OR4K2: variants seen among roughly 807,000 people sequenced by gnomAD.
OR4K2 encodes olfactory receptor family 4 subfamily K member 2.
Under a neutral mutation model 10.5 loss-of-function variants are expected in OR4K2, and 8 were observed. The ratio of observed to expected loss-of-function variants is 0.76; its 90% CI spans 0.45 to 1.37. The LOEUF is 1.37. Ranked by LOEUF, OR4K2 falls within the 40% of genes most tolerant of loss-of-function variation. The probability of loss-of-function intolerance (pLI) is 0.00; values close to 1 mark genes in which losing one functional copy is unlikely to be tolerated. For synonymous variants in OR4K2, 178 were observed against 133.6 expected (o/e 1.33, Z -2.29); for missense variants, 547 against 379.5 (o/e 1.44, Z -3.67).
rs1880950412 is a variant in OR4K2 at position 19,877,892 on chromosome 14, C to T, written c.*680C>T. The T allele has an allele frequency of 6.6e-6, 1 of 152,296 alleles. No homozygotes were observed. Among genetic ancestry groups the T allele is most frequent in the Non-Finnish European group, 1.5e-5 (1 of 68,116 alleles). The allele number at this position is 152,296 out of a possible 1,614,324, so 9.4% of individuals were successfully genotyped here. On this transcript the variant is annotated 3_prime_UTR_variant, in exon 2 of 2. Coordinates refer to ENST00000641885, the MANE Select transcript of OR4K2 (RefSeq NM_001005501.2). Reference sequence around the variant, plus strand: ...AGGGAGGCTGGAGAATTCTGCAAATCAGAAAATATGAAATGAGTTGCAGAT... The same window carrying T: ...AGGGAGGCTGGAGAATTCTGCAAATTAGAAAATATGAAATGAGTTGCAGAT...
Position 19,876,552 on chromosome 14 carries a change from T to C in OR4K2, c.285T>C (p.Asp95=). The C allele has an allele frequency of 2.5e-6, 4 of 1,614,224 alleles. No individual in the cohort carries two copies. Among genetic ancestry groups the C allele is most frequent in the Non-Finnish European group, 3.4e-6 (4 of 1,180,020 alleles). The change falls in exon 2 of 2, where the codon GAT becomes GAC. Residue 95 remains aspartate (D), a synonymous_variant. Transcript: ENST00000641885. ...CAGGTCACAAAACCATCTCTTTTGA[T>C]GGCTGCCTTACCCAGATATTCTTTC... ...YLTGHKTISF[D]GCLTQIFFLH... is the part of the protein sequence containing the mutation.
chr14:19,877,840 ATTTC>A lies in OR4K2; in HGVS notation c.*634_*637del, dbSNP rs1880948942. 2 of 152,398 alleles carry A rather than the reference ATTTC, an allele frequency of 1.3e-5. No individual in the cohort carries two copies. Among genetic ancestry groups the A allele is most frequent in the South Asian group, 4.1e-4 (2 of 4,840 alleles). The allele number at this position is 152,398 out of a possible 1,614,324, so 9.4% of individuals were successfully genotyped here. On this transcript the variant is annotated 3_prime_UTR_variant, in exon 2 of 2. Transcript: ENST00000641885. ...ATCATCAAAGCAATACAGTCATGAT[ATTTC>A]TTTCTGATAATGCGGAATGAGTAGG... is the stretch of plus-strand genomic sequence containing the variant.
At position 19,876,594 on chromosome 14, in the gene OR4K2, A is replaced by G. The variant is rs1880907980; in HGVS notation, c.327A>G (p.Gly109=). The G allele has an allele frequency of 6.2e-7, 1 of 1,614,210 alleles. No individual in the cohort carries two copies. Among genetic ancestry groups the G allele is most frequent in the Non-Finnish European group, 8.5e-7 (1 of 1,180,014 alleles). Residue 109 remains glycine (G), a synonymous_variant, in exon 2 of 2, where the codon GGA becomes GGG. Coordinates refer to ENST00000641885, the MANE Select transcript of OR4K2 (RefSeq NM_001005501.2). The stretch of plus-strand genomic sequence containing the variant: ...TATTCTTTCTCCACCTTTTCACTGG[A>G]ACTGAGATCATCTTACTCATGGCCA... ...TQIFFLHLFT[G]TEIILLMAMS...
At position 19,876,967 on chromosome 14, in the gene OR4K2, T is replaced by C. The variant is rs374783974; in HGVS notation, c.700T>C (p.Ser234Pro). ...TVKHHSSRGS[S>P]KALSTCTAHF... The stretch of plus-strand genomic sequence containing the variant: ...GAAGCATCATTCTTCCAGAGGATCA[T>C]CTAAGGCCCTTTCTACTTGTACAGC... The change falls in exon 2 of 2, where the codon TCT (serine) becomes CCT (proline). Residue 234 changes from serine (S) to proline (P), a missense_variant. Transcript: ENST00000641885. The C allele has an allele frequency of 6.2e-7, 1 of 1,614,050 alleles. No individual in the cohort carries two copies. Among genetic ancestry groups the C allele is most frequent in the Non-Finnish European group, 8.5e-7 (1 of 1,179,966 alleles).
At position 19,881,179 on chromosome 14, in the gene OR4K2, A is replaced by G. The variant is rs1184971848; in HGVS notation, c.*3967A>G. The G allele has an allele frequency of 6.6e-6, 1 of 152,248 alleles. No individual in the cohort carries two copies. The highest frequency in any genetic ancestry group is 2.1e-4 in the South Asian group (1 of 4,838). The allele number at this position is 152,248 out of a possible 1,614,324, so 9.4% of individuals were successfully genotyped here. A position where few individuals can be genotyped will look rare whatever the true frequency, so the allele number is the denominator to read the frequency against. ...GCATGATTTTTGGATGTATATGTCA[A>G]TTGAAAAACGGGGAGAAGAAAACAG... On this transcript the variant is annotated 3_prime_UTR_variant, in exon 2 of 2. Coordinates refer to ENST00000641885, the MANE Select transcript of OR4K2 (RefSeq NM_001005501.2).
rs371644746 is a variant in OR4K2, at chr14:19,877,734, T to C, written c.*522T>C. 1 of 153,014 alleles carries C rather than the reference T, an allele frequency of 6.5e-6. No individual in the cohort carries two copies. Among genetic ancestry groups the C allele is most frequent in the East Asian group, 1.9e-4 (1 of 5,212 alleles). The allele number at this position is 153,014 out of a possible 1,614,324, so 9.5% of individuals were successfully genotyped here. On this transcript the variant is annotated 3_prime_UTR_variant, in exon 2 of 2. Transcript: ENST00000641885. The stretch of plus-strand genomic sequence containing the variant: ...TGATCTCTTCTATTAAAGAAAACTC[T>C]AGATATATTTTATTTCGAATGTTAA...
In OR4K2 at chr14:19,881,356, A is replaced by C. The variant is rs1230912004; in HGVS notation, c.*4144A>C. 2 of 152,248 alleles carry C rather than the reference A, an allele frequency of 1.3e-5. No individual in the cohort carries two copies. The highest frequency in any genetic ancestry group is 2.9e-5 in the Non-Finnish European group (2 of 68,052). 9.4% of individuals were successfully genotyped at this position (152,248 alleles called of 1,614,324 possible). ...AATGCTCTTGGTTACACCATGAGGT[A>C]AATATGCACAAATTATTCTGGAGCG... On this transcript the variant is annotated 3_prime_UTR_variant, in exon 2 of 2. Transcript: ENST00000641885.
rs751715084 is a variant in OR4K2, at chr14:19,877,242, G to A, written c.*30G>A. ...TGTGACACAGAACATTAGACACAATGCTGTGTTAGGCTTTTCTTTCTAGAG... is the reference window on the plus strand; with the variant it reads ...TGTGACACAGAACATTAGACACAATACTGTGTTAGGCTTTTCTTTCTAGAG... On this transcript the variant is annotated 3_prime_UTR_variant, in exon 2 of 2. Coordinates refer to ENST00000641885, the MANE Select transcript of OR4K2 (RefSeq NM_001005501.2). The A allele has an allele frequency of 8.6e-6, 12 of 1,399,704 alleles. No individual in the cohort carries two copies. The highest frequency in any genetic ancestry group is 1.3e-5 in the South Asian group (1 of 78,224). The allele number at this position is 1,399,704 out of a possible 1,614,324, so 86.7% of individuals were successfully genotyped here.
rs1880892901 is a variant in OR4K2 at position 19,876,292 on chromosome 14, A to G, written c.25A>G (p.Met9Val). 1.2e-6 allele frequency: 2 copies of G among 1,605,674 alleles called. No homozygotes were observed. Among genetic ancestry groups the G allele is most frequent in the Non-Finnish European group, 8.5e-7 (1 of 1,177,812 alleles). Reference sequence around the variant, plus strand: ...AATGGATGTGGGCAATAAGTCTACCATGTCTGAATTTGTTTTGCTGGGGCT... The same window carrying G: ...AATGGATGTGGGCAATAAGTCTACCGTGTCTGAATTTGTTTTGCTGGGGCT... MDVGNKST[M>V]SEFVLLGLSN... The change falls in exon 2 of 2, where the codon ATG becomes GTG. Residue 9 changes from methionine to valine, a missense_variant. Physicochemically the swap from Met to Val is conservative, Grantham distance 21. Coordinates refer to ENST00000641885, the MANE Select transcript of OR4K2 (RefSeq NM_001005501.2).
rs1332395511 is a variant in OR4K2, at chr14:19,880,749, A to G, written c.*3537A>G. On this transcript the variant is annotated 3_prime_UTR_variant, in exon 2 of 2. Coordinates refer to ENST00000641885, the MANE Select transcript of OR4K2 (RefSeq NM_001005501.2). ...TATTGCTTCTTTACAATGAATAAAT[A>G]TTAAATTGGTTTATTGATTTTAGGA... The G allele has an allele frequency of 6.6e-6, 1 of 152,252 alleles. No homozygotes were observed. Among genetic ancestry groups the G allele is most frequent in the African/African-American group, 2.4e-5 (1 of 41,468 alleles). The allele number at this position is 152,252 out of a possible 1,614,324, so 9.4% of individuals were successfully genotyped here.
Position 19,876,917 on chromosome 14 carries a change from C to T in OR4K2, c.650C>T (p.Ser217Leu), listed in dbSNP as rs754919357. 3.7e-6 allele frequency: 6 copies of T among 1,614,126 alleles called. No individual in the cohort carries two copies. In the East Asian group the frequency reaches 1.3e-4, roughly 36 times the overall value. ...ALSCFIVLFN[S>L]YVIVLVTVKH... Reference sequence around the variant, plus strand: ...TCCTGTTTTATTGTTTTATTTAATTCATATGTTATTGTCCTGGTTACTGTG... The same window carrying T: ...TCCTGTTTTATTGTTTTATTTAATTTATATGTTATTGTCCTGGTTACTGTG... Residue 217 changes from serine to leucine, a missense_variant, in exon 2 of 2, where the codon TCA (serine) becomes TTA (leucine). By Grantham distance (145) the Ser-to-Leu change is moderately radical. Transcript: ENST00000641885.
rs1881028473 is a variant in OR4K2, at chr14:19,881,213, A to T, written c.*4001A>T. The T allele has an allele frequency of 5.3e-5, 8 of 152,262 alleles. No individual in the cohort carries two copies. Among genetic ancestry groups the T allele is most frequent in the Admixed American group, 3.9e-4 (6 of 15,290 alleles). The allele number at this position is 152,262 out of a possible 1,614,324, so 9.4% of individuals were successfully genotyped here. On this transcript the variant is annotated 3_prime_UTR_variant, in exon 2 of 2. Transcript: ENST00000641885. ...CGGGGAGAAGAAAACAGCCAGGGAA[A>T]TCTAATTCATGTGAACTTCTTGCAT... is the stretch of plus-strand genomic sequence containing the variant.
rs143722320 is a variant in OR4K2, at chr14:19,876,928, G to T, written c.661G>T (p.Val221Phe). Reference sequence around the variant, plus strand: ...TGTTTTATTTAATTCATATGTTATTGTCCTGGTTACTGTGAAGCATCATTC... The same window carrying T: ...TGTTTTATTTAATTCATATGTTATTTTCCTGGTTACTGTGAAGCATCATTC... ...FIVLFNSYVIVLVTVKHHSSR... is the reference protein window; with the variant it reads ...FIVLFNSYVIFLVTVKHHSSR... The change falls in exon 2 of 2, where the codon GTC becomes TTC. Residue 221 changes from valine to phenylalanine, a missense_variant. Coordinates refer to ENST00000641885, the MANE Select transcript of OR4K2 (RefSeq NM_001005501.2). 2.8e-4 allele frequency: 459 copies of T among 1,614,034 alleles called. 1 individual carries two copies. The African/African-American group carries it at 5.3e-3, about 19-fold the overall frequency.
chr14:19,876,231 T>TAG lies in OR4K2; in HGVS notation c.-23-14_-23-13insAG. On this transcript the variant is annotated splice_polypyrimidine_tract_variant and intron_variant, in intron 1 of 1. Transcript: ENST00000641885. ...TGACTTTCCTTTTTTTTTTTTTTTT[T>TAG]TTTCGTGATACAGGCTTCTGCCTAT... is the stretch of plus-strand genomic sequence containing the variant. The TAG allele has an allele frequency of 5.3e-6, 6 of 1,139,288 alleles. No homozygotes were observed. Among genetic ancestry groups the TAG allele is most frequent in the South Asian group, 2.4e-5 (1 of 42,120 alleles). 70.6% of individuals were successfully genotyped at this position (1,139,288 alleles called of 1,614,324 possible).
At position 19,879,955 on chromosome 14, in the gene OR4K2, C is replaced by G. The variant is rs752973858; in HGVS notation, c.*2743C>G. 1.3e-5 allele frequency: 2 copies of G among 152,236 alleles called. No homozygotes were observed. The highest frequency in any genetic ancestry group is 6.5e-5 in the Admixed American group (1 of 15,284). The allele number at this position is 152,236 out of a possible 1,614,324, so 9.4% of individuals were successfully genotyped here. ...CAAACTGTATAAGCTTTAAGCCTAG[C>G]TTGTCCAACCCATGACCTGCAGGTT... is the stretch of plus-strand genomic sequence containing the variant. On this transcript the variant is annotated 3_prime_UTR_variant, in exon 2 of 2. Coordinates refer to ENST00000641885, the MANE Select transcript of OR4K2 (RefSeq NM_001005501.2).
In OR4K2 at chr14:19,879,574, A is replaced by G. The variant is rs1293153210; in HGVS notation, c.*2362A>G. 6.6e-6 allele frequency: 1 copy of G among 152,264 alleles called. No individual in the cohort carries two copies. The highest frequency in any genetic ancestry group is 1.5e-5 in the Non-Finnish European group (1 of 68,052). 9.4% of individuals were successfully genotyped at this position (152,264 alleles called of 1,614,324 possible). ...TATAAGAAGAGTGTGTTGACAAGCAACTTCATCTTCCTCTACGTGTTTAGG... is the reference window on the plus strand; with the variant it reads ...TATAAGAAGAGTGTGTTGACAAGCAGCTTCATCTTCCTCTACGTGTTTAGG... On this transcript the variant is annotated 3_prime_UTR_variant, in exon 2 of 2. Coordinates refer to ENST00000641885, the MANE Select transcript of OR4K2 (RefSeq NM_001005501.2).
Position 19,883,054 on chromosome 14 carries a change from T to G in OR4K2, c.*5842T>G, listed in dbSNP as rs1710131103. Reference sequence around the variant, plus strand: ...TTATCTTTTGAAAAACCTGAGTTATTTACCATCTAGGGTCTCCCAGAGTCT... The same window carrying G: ...TTATCTTTTGAAAAACCTGAGTTATGTACCATCTAGGGTCTCCCAGAGTCT... On this transcript the variant is annotated 3_prime_UTR_variant, in exon 2 of 2. Transcript: ENST00000641885. The G allele has an allele frequency of 6.6e-6, 1 of 152,368 alleles. No homozygotes were observed. Among genetic ancestry groups the G allele is most frequent in the Admixed American group, 6.5e-5 (1 of 15,284 alleles). The allele number at this position is 152,368 out of a possible 1,614,324, so 9.4% of individuals were successfully genotyped here. A position where few individuals can be genotyped will look rare whatever the true frequency, so the allele number is the denominator to read the frequency against.
chr14:19,877,328 A>AC lies in OR4K2; in HGVS notation c.*116_*117insC. ...AGGGCTCAAGTTCAGTGCATTTTGA[A>AC]ACTATTCTCATGAATGTGAATGTGT... On this transcript the variant is annotated 3_prime_UTR_variant, in exon 2 of 2. Coordinates refer to ENST00000641885, the MANE Select transcript of OR4K2 (RefSeq NM_001005501.2). The AC allele has an allele frequency of 1.4e-6, 1 of 721,688 alleles. No individual in the cohort carries two copies. The highest frequency in any genetic ancestry group is 2.2e-6 in the Non-Finnish European group (1 of 448,350). The allele number at this position is 721,688 out of a possible 1,614,324, so 44.7% of individuals were successfully genotyped here.
At position 19,879,273 on chromosome 14, in the gene OR4K2, T is replaced by G. The variant is rs10130451; in HGVS notation, c.*2061T>G. ...ATTCATGGTACCTCTGCATGTTATA[T>G]AAACACTTAAAAATCTTAGTTAGGA... On this transcript the variant is annotated 3_prime_UTR_variant, in exon 2 of 2. Coordinates refer to ENST00000641885, the MANE Select transcript of OR4K2 (RefSeq NM_001005501.2). 62,594 of 148,014 alleles carry G rather than the reference T, an allele frequency of 0.42. 8,915 individuals carry two copies. The highest frequency in any genetic ancestry group is 0.48 in the Non-Finnish European group (31,957 of 65,932). The allele number at this position is 148,014 out of a possible 1,614,324, so 9.2% of individuals were successfully genotyped here.
Sources: gnomAD v4.1 joint callset for allele counts on GRCh38, gnomAD v4.1.1 for gene constraint, MANE v1.5 for transcripts, NCBI Gene and HGNC (gene_info 2026-07-23, HGNC 2026-07-21) for gene names.